Variants in TENM1 observed in about 807,000 individuals in gnomAD.
TENM1 encodes teneurin transmembrane protein 1, also known as teneurin-1.
A neutral mutation model predicts 174.8 loss-of-function variants in TENM1; 35 were observed. That is an observed-to-expected ratio of 0.20 (90% CI 0.15 to 0.27). The LOEUF is 0.27. TENM1 is among the 10% of genes least tolerant of loss of function. The probability of loss-of-function intolerance (pLI) is 1.00; values close to 1 mark genes in which losing one functional copy is unlikely to be tolerated. For missense variants in TENM1, 1,633 were observed against 2,130.1 expected (o/e 0.77, Z 4.59); for synonymous variants, 781 against 798.7 (o/e 0.98, Z 0.37).
At chrX:124,522,174 G>T (rs1448814683) in intron 17 of TENM1, among the ~76,000 whole-genome samples, 1 of 111,668 alleles carries the variant, frequency 9.0e-6, no homozygotes, top group East Asian at 2.8e-4. Context: ...CAATGGAAAA[G>T]ATAAGGGGTA....
At chrX:125,103,439 A>G in the TENM1 span, among the ~76,000 whole-genome samples, 1 of 111,050 alleles carries the variant, frequency 9.0e-6, no homozygotes. Flanking sequence ...CATGTTGGTG[A>G]GTGTTTGGAG....
the TENM1 span, among the ~76,000 whole-genome samples, chrX:125,122,829 T>C: frequency 1.4e-5 from 1 of 73,197 alleles, no homozygotes; most frequent in Non-Finnish European, 3.1e-5. Context: ...TCTGGAAGGG[T>C]TATTATTTTT....
chrX:124,453,438 G>A (rs866209113), exon 23 of TENM1: 5 of 1,210,329 alleles, frequency 4.1e-6, no homozygotes, highest in Non-Finnish European at 5.6e-6. Flanking sequence ...TCAATTTTGC[G>A]AATCATAGTC....
At chrX:124,472,138 T>C (rs2061340237) in intron 22 of TENM1, among the ~76,000 whole-genome samples, 4 of 107,834 alleles carry the variant, frequency 3.7e-5, no homozygotes, top group Non-Finnish European at 7.7e-5. Flanking sequence ...ACCCACCCAG[T>C]TCTGATTAGG....
intron 30 of TENM1, among the ~76,000 whole-genome samples, chrX:124,383,225 G>A (rs1416561025): frequency 1.8e-5 from 2 of 111,010 alleles, no homozygotes; most frequent in African/African-American, 3.3e-5. Context: ...GATTACAGGT[G>A]TGAGCCACCG....
the TENM1 span, among the ~76,000 whole-genome samples, chrX:124,992,824 G>C: frequency 0.25 from 27,355 of 110,715 alleles, 3,585 homozygotes; most frequent in African/African-American, 0.51. Flanking sequence ...TTGAACTGGA[G>C]AGTGTGCTCT....
chrX:124,443,828 G>C (rs963590897), intron 23 of TENM1, among the ~76,000 whole-genome samples: 3 of 111,654 alleles, frequency 2.7e-5, no homozygotes, highest in African/African-American at 9.8e-5. Flanking sequence ...GATAAGTTGG[G>C]GGAAATATCA....
intron 23 of TENM1, among the ~76,000 whole-genome samples, chrX:124,434,469 G>T (rs907146619): frequency 8.9e-6 from 1 of 112,079 alleles, no homozygotes; most frequent in African/African-American, 3.2e-5. Context: ...ATAAAAGTTT[G>T]TTCTTACAGG....
intron 3 of TENM1, among the ~76,000 whole-genome samples, chrX:124,848,052 G>T (rs751238088): frequency 1.2e-3 from 131 of 110,811 alleles, no homozygotes; most frequent in African/African-American, 3.9e-3. Context: ...TGGCTTTGAA[G>T]AAGGACTCTT....
the TENM1 span, among the ~76,000 whole-genome samples, chrX:125,131,214 A>C: frequency 2.7e-5 from 3 of 112,157 alleles, no homozygotes; most frequent in East Asian, 8.4e-4. Context: ...TTCTTTTCTC[A>C]TAGGCTCTGG....
chrX:125,075,502 A>G, the TENM1 span, among the ~76,000 whole-genome samples: 1 of 111,309 alleles, frequency 9.0e-6, no homozygotes, highest in African/African-American at 3.3e-5. Context: ...TTGTATATAT[A>G]CTTAGGCACA....
At chrX:124,684,442 G>A (rs1418827518) in intron 5 of TENM1, among the ~76,000 whole-genome samples, 2 of 112,639 alleles carry the variant, frequency 1.8e-5, no homozygotes, top group African/African-American at 6.5e-5. Context: ...AGAAGAGAGT[G>A]AAGTAAACAC....
chrX:124,972,675 C>A, the TENM1 span, among the ~76,000 whole-genome samples: 1 of 112,099 alleles, frequency 8.9e-6, no homozygotes, highest in Non-Finnish European at 1.9e-5. Context: ...ACAGCCATAA[C>A]ATTTTAGTAT....
chrX:124,474,743 C>A (rs978689741), intron 22 of TENM1, among the ~76,000 whole-genome samples: 2 of 111,428 alleles, frequency 1.8e-5, no homozygotes, highest in Admixed American at 9.6e-5. Flanking sequence ...AGGCCAAAAT[C>A]TTTTGACTAC....
chrX:124,792,996 T>C (rs2055213770), intron 3 of TENM1, among the ~76,000 whole-genome samples: 1 of 112,069 alleles, frequency 8.9e-6, no homozygotes, highest in Admixed American at 9.5e-5. Flanking sequence ...TTACAATATA[T>C]AGATTAGTCA....
At chrX:124,720,603 A>G (rs979883037) in intron 4 of TENM1, among the ~76,000 whole-genome samples, 20 of 112,357 alleles carry the variant, frequency 1.8e-4, no homozygotes, top group Non-Finnish European at 2.1e-4. Context: ...CGCATCCTTG[A>G]CCTTGGCAAA....
intron 18 of TENM1, among the ~76,000 whole-genome samples, chrX:124,504,776 G>A (rs10156922): frequency 5.0e-4 from 56 of 111,708 alleles, no homozygotes; most frequent in African/African-American, 1.8e-3. Flanking sequence ...GTGAAAATGC[G>A]TGCTTAAACA....
At chrX:124,752,004 C>T (rs1395335219) in intron 3 of TENM1, among the ~76,000 whole-genome samples, 1 of 110,465 alleles carries the variant, frequency 9.1e-6, no homozygotes, top group Admixed American at 9.7e-5. Context: ...TGGGTATATA[C>T]CCAGTAATGG....
chrX:124,651,914 C>T lies in TENM1; in HGVS notation c.1579G>A (p.Glu527Lys), dbSNP rs763299932. ...CAACATATTAGGCAAAGCAGCTTAC[C>T]AATTGCTGTAGTTAACACGAATACT... The change falls in exon 8 of 32, where the codon GAA becomes AAA. Residue 527 changes from glutamate (E) to lysine (K), a missense_variant and splice_region_variant. Glu to Lys is a moderately conservative substitution (Grantham distance 56). This residue lies in a region of TENM1 where 449 missense variants were observed against 636.2 expected (regional missense o/e 0.71). Transcript: ENST00000422452. 2 of 1,205,858 alleles carry T rather than the reference C, an allele frequency of 1.7e-6. No individual in the cohort carries two copies. Among genetic ancestry groups the T allele is most frequent in the Non-Finnish European group, 2.2e-6 (2 of 892,187 alleles).
Sources: allele counts gnomAD v4.1 joint callset (sites outside exome capture counted in the v4.1 genomes callset), GRCh38; gene constraint gnomAD v4.1.1; regional missense constraint gnomAD v4.1.1; transcripts MANE v1.5; gene names NCBI Gene and HGNC (gene_info 2026-07-23, HGNC 2026-07-21).